The following SLC44A2 variants were observed in gnomAD, a reference collection of about 807,000 sequenced individuals.
The protein encoded by SLC44A2 is choline transporter-like protein 2.
A neutral mutation model predicts 90.8 loss-of-function variants in SLC44A2; 57 were observed. The ratio of observed to expected loss-of-function variants is 0.63; its 90% CI spans 0.51 to 0.78. The LOEUF (loss-of-function observed/expected upper bound fraction) is 0.78, where lower values mean the gene tolerates loss of function less well. Ranked by LOEUF, SLC44A2 falls within the 30% of genes least tolerant of loss-of-function variation. SLC44A2 has a pLI of 0.00. For synonymous variants in SLC44A2, 355 were observed against 360.7 expected (o/e 0.98, Z 0.18); for missense variants, 794 against 919.7 (o/e 0.86, Z 1.77).
chr19:10,638,261 C>G lies in SLC44A2; in HGVS notation c.1875C>G (p.Ile625Met). Reference sequence around the variant, plus strand: ...CTTTCTTCTTCTTCACCCACCGTATCAGGATCGTGCAGGATACAGCACCAC... The same window carrying G: ...CTTTCTTCTTCTTCACCCACCGTATGAGGATCGTGCAGGATACAGCACCAC... ...ILAFFFFTHR[I>M]RIVQDTAPPL... is the part of the protein sequence containing the mutation. Residue 625 changes from isoleucine (I) to methionine (M), a missense_variant, in exon 20 of 22, where the codon ATC becomes ATG. By Grantham distance (10) the Ile-to-Met change is conservative. Around this residue, in one of 3 missense-constraint regions of SLC44A2, gnomAD observed 738 missense variants for 841.1 expected, o/e 0.88. Transcript: ENST00000335757. The G allele has an allele frequency of 6.2e-7, 1 of 1,614,098 alleles. No individual in the cohort carries two copies. The highest frequency in any genetic ancestry group is 1.1e-5 in the South Asian group (1 of 91,084).
intron 4 of SLC44A2, among the ~76,000 whole-genome samples, chr19:10,628,834 C>A (rs1033787980): frequency 6.6e-6 from 1 of 152,094 alleles, no homozygotes; most frequent in Non-Finnish European, 1.5e-5. Context: ...CCTCGTTTTC[C>A]TCATCTCTAA....
At chr19:10,618,441 C>T (rs977232690) in intron 1 of SLC44A2, among the ~76,000 whole-genome samples, 50 of 140,668 alleles carry the variant, frequency 3.6e-4, no homozygotes, top group Non-Finnish European at 2.7e-4. Flanking sequence ...CCCAAAAGTG[C>T]TGGGTTTACA....
intron 1 of SLC44A2, among the ~76,000 whole-genome samples, chr19:10,610,997 A>G (rs1331119010): frequency 6.6e-6 from 1 of 151,456 alleles, no homozygotes; most frequent in Admixed American, 6.6e-5. Context: ...ATATTTATTT[A>G]TTTATTTTTA....
chr19:10,624,231 C>T (rs1439527941), upstream of SLC44A2, among the ~76,000 whole-genome samples: 1 of 150,926 alleles, frequency 6.6e-6, no homozygotes, highest in African/African-American at 2.4e-5. Context: ...CTCTTGACCT[C>T]ATGATCCGCC....
intron 1 of SLC44A2, among the ~76,000 whole-genome samples, chr19:10,612,450 G>T (rs1258543579): frequency 6.6e-6 from 1 of 152,192 alleles, no homozygotes; most frequent in Non-Finnish European, 1.5e-5. Flanking sequence ...CCAGCATACA[G>T]TAGGCGCTCT....
At chr19:10,609,997 G>C (rs2144807226) in intron 1 of SLC44A2, among the ~76,000 whole-genome samples, 1 of 151,000 alleles carries the variant, frequency 6.6e-6, no homozygotes, top group East Asian at 2.0e-4. Context: ...GTAGAGACAG[G>C]GTTTCACTAT....
At chr19:10,620,592 A>G (rs2066888651), upstream of SLC44A2, among the ~76,000 whole-genome samples, 1 of 152,204 alleles carries the variant, frequency 6.6e-6, no homozygotes, top group South Asian at 2.1e-4. Context: ...TTCAACAAAT[A>G]CTTATTAAAT....
intron 16 of SLC44A2, chr19:10,637,002 T>C (rs977248363): frequency 1.5e-5 from 8 of 522,646 alleles, no homozygotes; most frequent in African/African-American, 9.6e-5. Context: ...TGGCCCACCA[T>C]TGGTTATTAC....
In SLC44A2 at chr19:10,634,772, C is replaced by T. The variant is rs1423061453; in HGVS notation, c.840C>T (p.Tyr280=). ...CCCATGCAGGAATATTTCACTGCTA[C>T]ATGGAGTACTCCCGACTGCGTGGTG... ...LVLGYGIFHC[Y]MEYSRLRGEA... The change falls in exon 11 of 22, where the codon TAC becomes TAT. Residue 280 remains tyrosine (Y), a synonymous_variant. Transcript: ENST00000335757. The T allele has an allele frequency of 6.2e-7, 1 of 1,614,160 alleles. No individual in the cohort carries two copies. The highest frequency in any genetic ancestry group is 1.6e-4 in the Middle Eastern group (1 of 6,062).
chr19:10,634,137 A>ATTTTTTTTTTT (rs1177075276), intron 10 of SLC44A2, among the ~76,000 whole-genome samples: 313 of 80,266 alleles, frequency 3.9e-3, no homozygotes, highest in Non-Finnish European at 4.4e-3. Context: ...CGCCCAGCTA[A>ATTTTTTTTTTT]TTTTTTTTTT....
intron 1 of SLC44A2, among the ~76,000 whole-genome samples, chr19:10,611,105 G>A (rs1433301513): frequency 6.6e-6 from 1 of 152,082 alleles, no homozygotes; most frequent in Non-Finnish European, 1.5e-5. Context: ...AACCTCCTAA[G>A]TAGGGGACTA....
At chr19:10,609,169 G>T (rs1231825820) in intron 1 of SLC44A2, among the ~76,000 whole-genome samples, 1 of 151,992 alleles carries the variant, frequency 6.6e-6, no homozygotes, top group Admixed American at 6.6e-5. Context: ...TATTGGCCAG[G>T]CTGGTCTTGA....
At chr19:10,639,359 A>T (rs1042394202) in intron 20 of SLC44A2, among the ~76,000 whole-genome samples, 2 of 152,180 alleles carry the variant, frequency 1.3e-5, no homozygotes, top group Admixed American at 6.5e-5. Context: ...TGAATGTATG[A>T]TTGCAAACTG....
intron 1 of SLC44A2, among the ~76,000 whole-genome samples, chr19:10,615,877 G>T (rs555374917): frequency 1.3e-5 from 2 of 151,854 alleles, no homozygotes; most frequent in Admixed American, 1.3e-4. Context: ...AAGATGAAAT[G>T]AGGCGGGCTG....
chr19:10,642,156 CAA>C (rs373634246), intron 20 of SLC44A2, among the ~76,000 whole-genome samples: 10 of 74,394 alleles, frequency 1.3e-4, no homozygotes, highest in Admixed American at 1.5e-4. Context: ...GATTCCGTCT[CAA>C]AAAAAAAAAA....
In SLC44A2 at chr19:10,636,705, A is replaced by G. The variant is rs2067060064; in HGVS notation, c.1540A>G (p.Ile514Val). The stretch of plus-strand genomic sequence containing the variant: ...GGCCTTTGGCGCGCTCATCCTGGCC[A>G]TTGTGCAGATCATCCGTGTGATACT... ...SLAFGALILA[I>V]VQIIRVILEY... is the part of the protein sequence containing the mutation. The change falls in exon 16 of 22, where the codon ATT becomes GTT. Residue 514 changes from isoleucine to valine, a missense_variant. Physicochemically the swap from Ile to Val is conservative, Grantham distance 29. Transcript: ENST00000335757. The G allele has an allele frequency of 2.5e-6, 4 of 1,613,724 alleles. No homozygotes were observed. The highest frequency in any genetic ancestry group is 2.2e-5 in the East Asian group (1 of 44,828).
intron 13 of SLC44A2, 33 bp downstream of exon 13, chr19:10,635,288 A>C (rs1238654182): frequency 1.2e-6 from 2 of 1,612,916 alleles, no homozygotes; most frequent in Non-Finnish European, 1.7e-6. Context: ...CTCTGACCCC[A>C]GGGATGGCTA....
chr19:10,636,776 C>T lies in SLC44A2; in HGVS notation c.1591+20C>T. On this transcript the variant is annotated intron_variant, in intron 16 of 21. Transcript: ENST00000335757. Reference sequence around the variant, plus strand: ...TGAAAGGTACGTCCCACCCACGGTTCGCATTAGCTCCTGTTGCGGGGCGAG... The same window carrying T: ...TGAAAGGTACGTCCCACCCACGGTTTGCATTAGCTCCTGTTGCGGGGCGAG... 1.9e-6 allele frequency: 3 copies of T among 1,607,734 alleles called. No homozygotes were observed. Among genetic ancestry groups the T allele is most frequent in the African/African-American group, 1.3e-5 (1 of 74,864 alleles).
chr19:10,618,574 G>A (rs931385226), intron 1 of SLC44A2, among the ~76,000 whole-genome samples: 4 of 146,644 alleles, frequency 2.7e-5, no homozygotes, highest in African/African-American at 1.0e-4. Context: ...CCGCCTCCCT[G>A]GTTCACGCCA....
Sources: allele counts gnomAD v4.1 joint callset (sites outside exome capture counted in the v4.1 genomes callset), GRCh38; gene constraint gnomAD v4.1.1; regional missense constraint gnomAD v4.1.1; transcripts MANE v1.5; gene names NCBI Gene and HGNC (gene_info 2026-07-23, HGNC 2026-07-21).